The following CNTN5 variants were observed in gnomAD, a reference collection of about 807,000 sequenced individuals.
The protein encoded by CNTN5 is contactin-5.
Under a neutral mutation model 129.1 loss-of-function variants are expected in CNTN5, and 77 were observed. The ratio of observed to expected loss-of-function variants is 0.60; its 90% CI spans 0.50 to 0.72. The LOEUF is 0.72. Among genes scored for constraint, CNTN5 ranks in the 30% least tolerant of loss-of-function variants. CNTN5 has a pLI of 0.00. For synonymous variants in CNTN5, 509 were observed against 465.6 expected (o/e 1.09, Z -1.20); for missense variants, 1,478 against 1,328.8 (o/e 1.11, Z -1.75).
chr11:99,264,207 GATATTATTTAATATTATTTAATA>G (rs1316477518), intron 1 of CNTN5, among the ~76,000 whole-genome samples: 1 of 151,006 alleles, frequency 6.6e-6, no homozygotes, highest in Non-Finnish European at 1.5e-5. Context: ...TATACAAGAA[GATATTATTTAATATTATTTAATA>G]ATATTATTTA....
chr11:99,413,558 G>T (rs1206857158), intron 2 of CNTN5, among the ~76,000 whole-genome samples: 1 of 152,066 alleles, frequency 6.6e-6, no homozygotes, highest in Non-Finnish European at 1.5e-5. Flanking sequence ...GGCAGAGGTT[G>T]CAGTGAGCTG....
intron 15 of CNTN5, among the ~76,000 whole-genome samples, chr11:100,218,255 T>C (rs890158526): frequency 4.6e-5 from 7 of 152,166 alleles, no homozygotes; most frequent in African/African-American, 1.7e-4. Flanking sequence ...AACACAAGCC[T>C]TAAGAAGATG....
chr11:99,808,533 C>T lies in CNTN5; in HGVS notation c.56-11011C>T, dbSNP rs79207634. ...TTCCCATTTACTCCTGCATGTGCCT[C>T]AGTAACCTGTAATTCCTAGGGTCAA... On this transcript the variant is annotated intron_variant, in intron 3 of 24. Coordinates refer to ENST00000524871, the MANE Select transcript of CNTN5 (RefSeq NM_014361.4). Among the ~76,000 whole-genome samples, 1,646 of 152,238 alleles carry T rather than the reference C, an allele frequency of 0.011. 63 individuals carry two copies. In the East Asian group the frequency reaches 0.12, roughly 11 times the overall value.
chr11:99,384,393 G>C (rs774663897), intron 2 of CNTN5, among the ~76,000 whole-genome samples: 1 of 152,104 alleles, frequency 6.6e-6, no homozygotes, highest in Non-Finnish European at 1.5e-5. Flanking sequence ...AAACACTCTG[G>C]AATTTGCCAA....
intron 17 of CNTN5, among the ~76,000 whole-genome samples, chr11:100,269,925 T>C (rs1950377531): frequency 1.3e-5 from 2 of 152,174 alleles, no homozygotes; most frequent in African/African-American, 2.4e-5. Flanking sequence ...TGCCTTCTTC[T>C]CTTTTGTATG....
chr11:100,017,404 T>A (rs1940884084), intron 9 of CNTN5, among the ~76,000 whole-genome samples: 1 of 152,030 alleles, frequency 6.6e-6, no homozygotes. Context: ...TATATTGCAC[T>A]CAATGTTGTG....
chr11:99,539,021 G>T (rs1591243935), intron 2 of CNTN5, among the ~76,000 whole-genome samples: 2 of 151,978 alleles, frequency 1.3e-5, no homozygotes, highest in Admixed American at 1.3e-4. Flanking sequence ...CCATTTTATA[G>T]GTTAAAAAAT....
chr11:99,253,381 C>T (rs953770018), intron 1 of CNTN5, among the ~76,000 whole-genome samples: 1 of 152,064 alleles, frequency 6.6e-6, no homozygotes, highest in East Asian at 1.9e-4. Context: ...AGCATGGGAA[C>T]AGACTAATAG....
chr11:99,583,966 C>T (rs1004366766), intron 3 of CNTN5, among the ~76,000 whole-genome samples: 1 of 152,056 alleles, frequency 6.6e-6, no homozygotes, highest in Non-Finnish European at 1.5e-5. Flanking sequence ...CATCTTGGCT[C>T]CACCCTCTCA....
chr11:99,127,177 G>T (rs1350654237), intron 1 of CNTN5, among the ~76,000 whole-genome samples: 3 of 152,034 alleles, frequency 2.0e-5, no homozygotes, highest in Non-Finnish European at 4.4e-5. Flanking sequence ...TAGCCTACTT[G>T]CTCTTATATT....
At chr11:99,199,850 TAC>T in intron 1 of CNTN5, among the ~76,000 whole-genome samples, 1 of 152,298 alleles carries the variant, frequency 6.6e-6, no homozygotes, top group Middle Eastern at 3.4e-3. Flanking sequence ...GGTGAAGAAT[TAC>T]AGTCTTCCAC....
intron 2 of CNTN5, among the ~76,000 whole-genome samples, chr11:99,528,371 T>C (rs1947567509): frequency 6.6e-6 from 1 of 152,214 alleles, no homozygotes; most frequent in Admixed American, 6.5e-5. Flanking sequence ...TGAATTGTAT[T>C]CATACAGAAA....
chr11:99,026,693 A>G (rs1239610615), intron 1 of CNTN5, among the ~76,000 whole-genome samples: 3 of 151,582 alleles, frequency 2.0e-5, no homozygotes, highest in African/African-American at 7.2e-5. Context: ...ATAATAAACA[A>G]AGTTTCTTCA....
chr11:100,163,593 A>G (rs1947527191), intron 13 of CNTN5, among the ~76,000 whole-genome samples: 1 of 151,850 alleles, frequency 6.6e-6, no homozygotes. Context: ...TACTGTGAAT[A>G]CCAGAGGTCC....
chr11:99,366,847 G>T (rs1057076770), intron 2 of CNTN5, among the ~76,000 whole-genome samples: 2 of 152,246 alleles, frequency 1.3e-5, no homozygotes, highest in African/African-American at 4.8e-5. Flanking sequence ...AACGCATTTT[G>T]CATGATAATA....
chr11:99,179,195 A>G (rs10892854), intron 1 of CNTN5, among the ~76,000 whole-genome samples: 18,564 of 152,220 alleles, frequency 0.12, 1,337 homozygotes, highest in Middle Eastern at 0.23. Context: ...TAATCCCAAC[A>G]CTTCGGGGGG....
intron 13 of CNTN5, among the ~76,000 whole-genome samples, chr11:100,160,690 C>T (rs1947417756): frequency 6.6e-6 from 1 of 151,918 alleles, no homozygotes; most frequent in African/African-American, 2.4e-5. Context: ...GAAAAGTCAA[C>T]TATACATTCA....
intron 16 of CNTN5, among the ~76,000 whole-genome samples, chr11:100,233,482 A>G (rs1430294455): frequency 1.3e-5 from 2 of 152,310 alleles, no homozygotes; most frequent in Middle Eastern, 3.4e-3. Flanking sequence ...ATTACCATCT[A>G]TCTCTAAGGA....
chr11:99,619,323 A>G (rs2135755475), intron 3 of CNTN5, among the ~76,000 whole-genome samples: 1 of 152,320 alleles, frequency 6.6e-6, no homozygotes, highest in East Asian at 1.9e-4. Flanking sequence ...CTGAGTTTGT[A>G]AAATGTATTA....
Sources: allele counts gnomAD v4.1 joint callset (sites outside exome capture counted in the v4.1 genomes callset), GRCh38; gene constraint gnomAD v4.1.1; transcripts MANE v1.5; gene names NCBI Gene and HGNC (gene_info 2026-07-23, HGNC 2026-07-21).